The following TRPV3 variants were observed in gnomAD, a reference collection of about 807,000 sequenced individuals.
TRPV3 encodes the protein transient receptor potential cation channel subfamily V member 3, also known as VRL-3.
In TRPV3, 88 loss-of-function variants were observed where a neutral mutation model predicts 87.1. The ratio of observed to expected loss-of-function variants is 1.01; its 90% CI spans 0.85 to 1.21. TRPV3 has a LOEUF of 1.21. TRPV3 is among the 50% of genes most tolerant of loss of function. TRPV3 has a pLI of 0.00. For missense variants in TRPV3, 1,054 were observed against 1,030.1 expected (o/e 1.02, Z -0.32); for synonymous variants, 438 against 423.3 (o/e 1.03, Z -0.43).
At chr17:3,522,618 G>A (rs1371620940) in intron 13 of TRPV3, among the ~76,000 whole-genome samples, 3 of 150,052 alleles carry the variant, frequency 2.0e-5, no homozygotes, top group African/African-American at 7.4e-5. Flanking sequence ...TCAAGAGTTG[G>A]AGACCAGCCT....
At chr17:3,527,432 C>A (rs8074889) in intron 11 of TRPV3, among the ~76,000 whole-genome samples, 1 of 152,168 alleles carries the variant, frequency 6.6e-6, no homozygotes, top group African/African-American at 2.4e-5. Context: ...GGGTCTTTTT[C>A]GGTCTATCAT....
Position 3,512,603 on chromosome 17 carries a change from G to C in TRPV3, c.*1314C>G, listed in dbSNP as rs978797055. ...CATTTTTACATGAATCCTTTCACCA[G>C]ATAACGGCGGCAGAGTGGATTTTCT... On this transcript the variant is annotated 3_prime_UTR_variant, in exon 18 of 18. Coordinates refer to ENST00000576742, the MANE Select transcript of TRPV3 (RefSeq NM_145068.4). 1 of 151,998 alleles carries C rather than the reference G, an allele frequency of 6.6e-6. No individual in the cohort carries two copies. The highest frequency in any genetic ancestry group is 2.4e-5 in the African/African-American group (1 of 41,374). The allele number at this position is 151,998 out of a possible 1,614,324, so 9.4% of individuals were successfully genotyped here.
chr17:3,514,796 A>G lies in TRPV3; in HGVS notation c.2199-124T>C, dbSNP rs1203468359. ...CCTTCTGTCTGTCCTAGAGATCAGG[A>G]GCACCCCTGACCCGAGGGGTCACAC... On this transcript the variant is annotated intron_variant, in intron 16 of 17. Coordinates refer to ENST00000576742, the MANE Select transcript of TRPV3 (RefSeq NM_145068.4). 9 of 740,642 alleles carry G rather than the reference A, an allele frequency of 1.2e-5. No individual in the cohort carries two copies. In the African/African-American group the frequency reaches 1.6e-4, roughly 13 times the overall value. 45.9% of individuals were successfully genotyped at this position (740,642 alleles called of 1,614,324 possible). A position where few individuals can be genotyped will look rare whatever the true frequency, so the allele number is the denominator to read the frequency against.
At chr17:3,535,879 C>G (rs2074405079) in intron 6 of TRPV3, among the ~76,000 whole-genome samples, 166 bp from the exon 7 acceptor site, 1 of 152,244 alleles carries the variant, frequency 6.6e-6, no homozygotes, top group Non-Finnish European at 1.5e-5. Context: ...TTCCTTCATG[C>G]CTGCGCGGAC....
At position 3,530,389 on chromosome 17, in the gene TRPV3, C is replaced by CACAAAGCT; in HGVS notation, c.1066-187_1066-186insAGCTTTGT. ...ATCTGTGGAATGCGCACAAAGCTTG[C>CACAAAGCT]TGTTCCGCCCATCTCACTGGGGGTT... On this transcript the variant is annotated intron_variant, in intron 8 of 17. Transcript: ENST00000576742. The surrounding 1 kb of genome is among the most constrained non-coding windows in gnomAD (Gnocchi z 4.0). 9.3e-6 allele frequency: 5 copies of CACAAAGCT among 537,350 alleles called. No homozygotes were observed. The highest frequency in any genetic ancestry group is 3.5e-5 in the Admixed American group (1 of 28,932). The allele number at this position is 537,350 out of a possible 1,614,324, so 33.3% of individuals were successfully genotyped here.
At chr17:3,517,487 C>T (rs1396503738) in intron 15 of TRPV3, among the ~76,000 whole-genome samples, 3 of 151,780 alleles carry the variant, frequency 2.0e-5, no homozygotes, top group African/African-American at 7.2e-5. Context: ...GGTGTGGTGG[C>T]GCGTGCCTGT....
chr17:3,540,319 G>T (rs566002377), intron 6 of TRPV3, among the ~76,000 whole-genome samples: 1 of 152,036 alleles, frequency 6.6e-6, no homozygotes, highest in African/African-American at 2.4e-5. Flanking sequence ...AGGCACCAGC[G>T]GATGGGTCAG....
intron 2 of TRPV3, among the ~76,000 whole-genome samples, chr17:3,545,781 C>T (rs2074517896): frequency 1.3e-5 from 2 of 150,768 alleles, no homozygotes; most frequent in Non-Finnish European, 3.0e-5. Context: ...GAGTTTGAGA[C>T]CAGCCTGGCC....
rs1251916836 is a variant in TRPV3, at chr17:3,525,433, CA to C, written c.1578-1071del. ...GAGAAAGATGGAAGAATGGTGGTTA[CA>C]GGGGGCCGGGAAAGGAGAGGAATAG... On this transcript the variant is annotated intron_variant, in intron 12 of 17. Coordinates refer to ENST00000576742, the MANE Select transcript of TRPV3 (RefSeq NM_145068.4). 2.0e-5 allele frequency among the ~76,000 whole-genome samples: 3 copies of C among 152,162 alleles called. 1 individual carries two copies. Among genetic ancestry groups the C allele is most frequent in the East Asian group, 1.9e-4 (1 of 5,190 alleles).
chr17:3,546,735 T>C, intron 2 of TRPV3: 1 of 453,374 alleles, frequency 2.2e-6, no homozygotes, highest in Non-Finnish European at 4.4e-6. Flanking sequence ...CCCAGCCCTC[T>C]GGGAGGTCAA....
Position 3,532,731 on chromosome 17 carries a change from A to C in TRPV3, c.991T>G (p.Trp331Gly), listed in dbSNP as rs1597479292. The change falls in exon 8 of 18, where the codon TGG (tryptophan) becomes GGG (glycine). Residue 331 changes from tryptophan (W) to glycine (G), a missense_variant. Coordinates refer to ENST00000576742, the MANE Select transcript of TRPV3 (RefSeq NM_145068.4). ...TTGTTGCGAGTGGTCTCCAGCTCCC[A>C]GTTGCCACTCCGCAGTAGGATCATG... ...YDMILLRSGNWELETTRNNDG... is the reference protein window; with the variant it reads ...YDMILLRSGNGELETTRNNDG... The C allele has an allele frequency of 1.9e-6, 3 of 1,614,238 alleles. No homozygotes were observed. The highest frequency in any genetic ancestry group is 2.5e-6 in the Non-Finnish European group (3 of 1,180,042).
At position 3,513,701 on chromosome 17, in the gene TRPV3, T is replaced by C. The variant is rs574761823; in HGVS notation, c.*216A>G. 2 of 484,560 alleles carry C rather than the reference T, an allele frequency of 4.1e-6. No individual in the cohort carries two copies. Among genetic ancestry groups the C allele is most frequent in the South Asian group, 4.1e-5 (1 of 24,576 alleles). The allele number at this position is 484,560 out of a possible 1,614,324, so 30.0% of individuals were successfully genotyped here. Reference sequence around the variant, plus strand: ...CTGGCTGTAGGTTTACACCAGCTGTTTGCCAAGTAACAAAATCCAGGATGT... The same window carrying C: ...CTGGCTGTAGGTTTACACCAGCTGTCTGCCAAGTAACAAAATCCAGGATGT... On this transcript the variant is annotated 3_prime_UTR_variant, in exon 18 of 18. Transcript: ENST00000576742.
intron 14 of TRPV3, among the ~76,000 whole-genome samples, chr17:3,519,878 A>ATGGT (rs1567630895): frequency 7.2e-6 from 1 of 138,116 alleles, no homozygotes; most frequent in Non-Finnish European, 1.6e-5. Context: ...GGATGGATGG[A>ATGGT]TGGATGGATG....
In TRPV3 at chr17:3,514,609, C is replaced by A. The variant is rs116194142; in HGVS notation, c.2262G>T (p.Gly754=). The stretch of plus-strand genomic sequence containing the variant: ...CGACAGTACCTGTTCGTCTTACAGG[C>A]CCCGGGTCTTCGTTAAGGAAGGAGA... ...THVSFLNEDP[G]PVRRTDFNKI... Residue 754 remains glycine (G), a synonymous_variant, in exon 17 of 18, where the codon GGG becomes GGT. Transcript: ENST00000576742. 350 of 1,613,462 alleles carry A rather than the reference C, an allele frequency of 2.2e-4. No individual in the cohort carries two copies. Among genetic ancestry groups the A allele is most frequent in the Non-Finnish European group, 2.8e-4 (326 of 1,179,416 alleles).
At position 3,526,890 on chromosome 17, in the gene TRPV3, T is replaced by A. The variant is rs2074304881; in HGVS notation, c.1541A>T (p.Gln514Leu). The change falls in exon 12 of 18, where the codon CAG becomes CTG. Residue 514 changes from glutamine to leucine, a missense_variant. By Grantham distance (113) the Gln-to-Leu change is moderately radical (BLOSUM62 -2). Transcript: ENST00000576742. ...GAACCAGGCATCCGAGAGGATGGAC[T>A]GCAGATCCGAGGGTCTCAGCAGGAA... ...AIFLLRPSDL[Q>L]SILSDAWFHF... The A allele has an allele frequency of 1.2e-6, 2 of 1,612,354 alleles. No individual in the cohort carries two copies. Among genetic ancestry groups the A allele is most frequent in the Non-Finnish European group, 1.7e-6 (2 of 1,179,382 alleles).
chr17:3,517,813 T>A (rs1259912772), intron 15 of TRPV3, among the ~76,000 whole-genome samples: 1 of 144,508 alleles, frequency 6.9e-6, no homozygotes, highest in Non-Finnish European at 1.5e-5. Flanking sequence ...AGCATTTCTT[T>A]TTTTTTTTTT....
At position 3,524,381 on chromosome 17, in the gene TRPV3, G is replaced by A. The variant is rs781121582; in HGVS notation, c.1578-18C>T. ...GGATAAAACTGTTCAGGAGACACAGGAGACACGGGCCTTACTTACTTCTCA... is the reference window on the plus strand; with the variant it reads ...GGATAAAACTGTTCAGGAGACACAGAAGACACGGGCCTTACTTACTTCTCA... On this transcript the variant is annotated intron_variant, in intron 12 of 17. Coordinates refer to ENST00000576742, the MANE Select transcript of TRPV3 (RefSeq NM_145068.4). 1.9e-6 allele frequency: 3 copies of A among 1,613,494 alleles called. No individual in the cohort carries two copies. The highest frequency in any genetic ancestry group is 4.5e-5 in the East Asian group (2 of 44,876).
At chr17:3,542,413 T>C in intron 6 of TRPV3, 109 bp downstream of exon 6, 2 of 1,253,892 alleles carry the variant, frequency 1.6e-6, no homozygotes, top group Admixed American at 2.6e-5. Flanking sequence ...TGCTTGGGGC[T>C]CCTCAATGGC....
chr17:3,549,441 T>C (rs1489464922), intron 2 of TRPV3, among the ~76,000 whole-genome samples: 2 of 152,346 alleles, frequency 1.3e-5, no homozygotes, highest in South Asian at 4.1e-4. Flanking sequence ...CCTACAGCTA[T>C]ACATTCCTCA....
Sources: allele counts gnomAD v4.1 joint callset (sites outside exome capture counted in the v4.1 genomes callset), GRCh38; gene constraint gnomAD v4.1.1; non-coding constraint Gnocchi (gnomAD v3.1); transcripts MANE v1.5; gene names NCBI Gene and HGNC (gene_info 2026-07-23, HGNC 2026-07-21).